Variants in SLC39A11 observed in about 807,000 individuals in gnomAD.
SLC39A11 encodes solute carrier family 39 member 11, also known as zinc transporter ZIP11.
SLC39A11 carries 33 observed loss-of-function variants against 36.1 expected under a neutral mutation model. The ratio of observed to expected loss-of-function variants is 0.91; its 90% CI spans 0.69 to 1.22. The LOEUF (loss-of-function observed/expected upper bound fraction) is 1.22, where lower values mean the gene tolerates loss of function less well. Ranked by LOEUF, SLC39A11 falls within the 50% of genes most tolerant of loss-of-function variation. SLC39A11 has a pLI of 0.00. For missense variants in SLC39A11, 432 were observed against 430.3 expected (o/e 1.00, Z -0.03); for synonymous variants, 166 against 170.3 (o/e 0.97, Z 0.20).
At chr17:72,696,348 T>C (rs1004989152) in intron 7 of SLC39A11, among the ~76,000 whole-genome samples, 1 of 152,066 alleles carries the variant, frequency 6.6e-6, no homozygotes, top group African/African-American at 2.4e-5. Context: ...TAAGCACAAA[T>C]AATAGCAGTC....
chr17:72,713,724 C>A (rs1039503802), intron 7 of SLC39A11, among the ~76,000 whole-genome samples: 6 of 152,114 alleles, frequency 3.9e-5, no homozygotes, highest in African/African-American at 1.4e-4. Flanking sequence ...ATGGTAAAAC[C>A]AAATCCTTCC....
intron 4 of SLC39A11, among the ~76,000 whole-genome samples, chr17:72,986,255 G>C (rs1220131696): frequency 6.6e-6 from 1 of 152,198 alleles, no homozygotes; most frequent in African/African-American, 2.4e-5. Context: ...TGTGGAGCTA[G>C]CTTTGAAAGC....
At chr17:72,753,268 G>C (rs779637226) in intron 6 of SLC39A11, among the ~76,000 whole-genome samples, 1 of 151,988 alleles carries the variant, frequency 6.6e-6, no homozygotes, top group Non-Finnish European at 1.5e-5. Context: ...TTTCAGCTCA[G>C]GAAAAATTTC....
At chr17:72,849,246 T>A (rs568897977) in intron 6 of SLC39A11, among the ~76,000 whole-genome samples, 12 of 152,318 alleles carry the variant, frequency 7.9e-5, no homozygotes, top group Non-Finnish European at 1.6e-4. Flanking sequence ...TGAACTCACG[T>A]AGTTCAGATC....
chr17:73,056,358 G>A (rs1219293312), intron 3 of SLC39A11, among the ~76,000 whole-genome samples: 8 of 152,036 alleles, frequency 5.3e-5, no homozygotes, highest in Non-Finnish European at 7.4e-5. Context: ...TAGTGGAGAC[G>A]GGGTTTCACC....
At chr17:72,921,283 C>A (rs1366951886) in intron 5 of SLC39A11, among the ~76,000 whole-genome samples, 1 of 152,150 alleles carries the variant, frequency 6.6e-6, no homozygotes, top group East Asian at 1.9e-4. Flanking sequence ...GAGAGTGTGA[C>A]ACCGAAGGCG....
At chr17:72,787,446 A>T (rs2076560033) in intron 6 of SLC39A11, among the ~76,000 whole-genome samples, 1 of 151,678 alleles carries the variant, frequency 6.6e-6, no homozygotes, top group Non-Finnish European at 1.5e-5. Flanking sequence ...TTTAGTAAAG[A>T]CAGGGTTTCA....
intron 4 of SLC39A11, among the ~76,000 whole-genome samples, chr17:72,988,514 A>C (rs1329873814): frequency 6.6e-6 from 1 of 152,116 alleles, no homozygotes; most frequent in African/African-American, 2.4e-5. Flanking sequence ...TACTGACTCT[A>C]GTCACCCTAC....
At chr17:72,948,224 C>T (rs1365787958) in intron 4 of SLC39A11, among the ~76,000 whole-genome samples, 1 of 150,754 alleles carries the variant, frequency 6.6e-6, no homozygotes, top group Non-Finnish European at 1.5e-5. Context: ...CCACTGCAAG[C>T]GTCATCGCCT....
chr17:72,934,302 G>A (rs970788381), intron 5 of SLC39A11, among the ~76,000 whole-genome samples: 1 of 152,182 alleles, frequency 6.6e-6, no homozygotes, highest in Admixed American at 6.5e-5. Flanking sequence ...GGAAAGGCAA[G>A]CCAGGGACTG....
chr17:72,823,081 C>T (rs946744648), intron 6 of SLC39A11, among the ~76,000 whole-genome samples: 4 of 151,134 alleles, frequency 2.6e-5, no homozygotes, highest in African/African-American at 4.8e-5. Flanking sequence ...AAAGCTGGGA[C>T]AAGGCAGGAA....
intron 6 of SLC39A11, among the ~76,000 whole-genome samples, chr17:72,741,569 G>A (rs2074706390): frequency 6.6e-6 from 1 of 152,150 alleles, no homozygotes. Flanking sequence ...ATTTCCCGAG[G>A]CAAAGAATCA....
chr17:72,809,344 T>C (rs1312637168), intron 6 of SLC39A11, among the ~76,000 whole-genome samples: 4 of 152,062 alleles, frequency 2.6e-5, no homozygotes, highest in African/African-American at 9.7e-5. Flanking sequence ...GGAGCGGCAA[T>C]TGTTCTGTTA....
At chr17:73,090,736 C>T (rs1449037863) in intron 1 of SLC39A11, among the ~76,000 whole-genome samples, 1 of 152,142 alleles carries the variant, frequency 6.6e-6, no homozygotes, top group Non-Finnish European at 1.5e-5. Context: ...GGCTGGTGAA[C>T]AGAACAGAGG....
chr17:73,049,537 C>A (rs1179618636), intron 3 of SLC39A11, among the ~76,000 whole-genome samples: 1 of 152,150 alleles, frequency 6.6e-6, no homozygotes, highest in East Asian at 1.9e-4. Flanking sequence ...GAACCCTGTG[C>A]CAAGATGCTT....
At chr17:72,953,017 CCTT>C (rs2085975552) in intron 4 of SLC39A11, among the ~76,000 whole-genome samples, 1 of 152,152 alleles carries the variant, frequency 6.6e-6, no homozygotes. Flanking sequence ...CACCCCCTCT[CCTT>C]CTCCATTGTT....
chr17:73,014,398 C>T (rs2090696654), intron 4 of SLC39A11, among the ~76,000 whole-genome samples: 1 of 152,196 alleles, frequency 6.6e-6, no homozygotes, highest in South Asian at 2.1e-4. Context: ...TGCCTCATGC[C>T]TGTAATCCAG....
chr17:72,769,547 T>C (rs551881601), intron 6 of SLC39A11, among the ~76,000 whole-genome samples: 165 of 152,194 alleles, frequency 1.1e-3, no homozygotes, highest in African/African-American at 3.7e-3. Context: ...CATCTTTTTT[T>C]TTTTTCTTCT....
chr17:72,988,976 C>T (rs914560770), intron 4 of SLC39A11, among the ~76,000 whole-genome samples: 2 of 152,074 alleles, frequency 1.3e-5, no homozygotes, highest in Admixed American at 6.6e-5. Context: ...TTTGGGAAGC[C>T]GAGGAGGGCA....
Sources: allele counts gnomAD v4.1 joint callset (sites outside exome capture counted in the v4.1 genomes callset), GRCh38; gene constraint gnomAD v4.1.1; transcripts MANE v1.5; gene names NCBI Gene and HGNC (gene_info 2026-07-23, HGNC 2026-07-21).